HS3ST2: variants seen among roughly 807,000 people sequenced by gnomAD.
HS3ST2 encodes the protein heparan sulfate-glucosamine 3-sulfotransferase 2.
Under a neutral mutation model 26.3 loss-of-function variants are expected in HS3ST2, and 17 were observed. The observed-to-expected ratio is 0.65, with a 90% confidence interval of 0.44 to 0.97. The LOEUF (loss-of-function observed/expected upper bound fraction) is 0.97, where lower values mean the gene tolerates loss of function less well. Among genes scored for constraint, HS3ST2 ranks in the 50% least tolerant of loss-of-function variants. The pLI is 0.00. For synonymous variants in HS3ST2, 237 were observed against 219.2 expected, an observed-to-expected ratio of 1.08 and a Z score of -0.72; for missense variants, 402 against 501.2, an observed-to-expected ratio of 0.80 and a Z score of 1.89.
chr16:22,892,585 C>T (rs1046021079), intron 1 of HS3ST2, among the ~76,000 whole-genome samples: 16 of 152,062 alleles, frequency 1.1e-4, no homozygotes. Context: ...TATTATGTTA[C>T]ACTTAGGTTG....
intron 1 of HS3ST2, among the ~76,000 whole-genome samples, chr16:22,823,861 C>G (rs1901040698): frequency 6.6e-6 from 1 of 152,212 alleles, no homozygotes; most frequent in African/African-American, 2.4e-5. Flanking sequence ...AATATGAGCA[C>G]TAAGAGGAGA....
chr16:22,851,856 G>C (rs1219914043), intron 1 of HS3ST2, among the ~76,000 whole-genome samples: 1 of 152,186 alleles, frequency 6.6e-6, no homozygotes, highest in African/African-American at 2.4e-5. Context: ...CCCTAGGGAT[G>C]TTAGCTGATG....
At position 22,913,575 on chromosome 16, in the gene HS3ST2, A is replaced by C. The variant is rs143609079; in HGVS notation, c.486-1369A>C. On this transcript the variant is annotated intron_variant, in intron 1 of 1. Transcript: ENST00000261374. The stretch of plus-strand genomic sequence containing the variant: ...TCCTGCAAGACAAGACTTTTTCCCC[A>C]AAAAAAGATTTTCTTAATATATTTG... Among the ~76,000 whole-genome samples the C allele has an allele frequency of 1.1e-3, 165 of 152,308 alleles. 1 individual carries two copies. Among genetic ancestry groups the C allele is most frequent in the African/African-American group, 3.4e-3 (141 of 41,574 alleles).
intron 1 of HS3ST2, among the ~76,000 whole-genome samples, chr16:22,868,763 G>A (rs916235259): frequency 6.6e-6 from 1 of 152,154 alleles, no homozygotes; most frequent in African/African-American, 2.4e-5. Flanking sequence ...GGGGGCGCCT[G>A]TTTAACTACT....
chr16:22,829,091 ACCT>A (rs1901132358), intron 1 of HS3ST2, among the ~76,000 whole-genome samples: 1 of 152,206 alleles, frequency 6.6e-6, no homozygotes, highest in African/African-American at 2.4e-5. Flanking sequence ...ACCTCTGAGC[ACCT>A]CCTTCTATCC....
Position 22,899,720 on chromosome 16 carries a change from C to A in HS3ST2, c.486-15224C>A, listed in dbSNP as rs150934404. 2.2e-3 allele frequency among the ~76,000 whole-genome samples: 334 copies of A among 152,274 alleles called. 2 individuals carry two copies. The highest frequency in any genetic ancestry group is 7.2e-3 in the African/African-American group (301 of 41,552). On this transcript the variant is annotated intron_variant, in intron 1 of 1. Coordinates refer to ENST00000261374, the MANE Select transcript of HS3ST2 (RefSeq NM_006043.2). Reference sequence around the variant, plus strand: ...AAGAGCAAAAACACGTCTTACATGGCAACAGGCAAGAGAGAGAGCATGTGC... The same window carrying A: ...AAGAGCAAAAACACGTCTTACATGGAAACAGGCAAGAGAGAGAGCATGTGC...
At chr16:22,856,044 G>T (rs1901589027) in intron 1 of HS3ST2, among the ~76,000 whole-genome samples, 1 of 152,176 alleles carries the variant, frequency 6.6e-6, no homozygotes, top group African/African-American at 2.4e-5. Context: ...CTATAAGAAG[G>T]ATGAATAGTT....
chr16:22,845,022 T>G (rs1449609093), intron 1 of HS3ST2, among the ~76,000 whole-genome samples: 1 of 150,000 alleles, frequency 6.7e-6, no homozygotes, highest in East Asian at 2.0e-4. Context: ...GCCTGGCTAA[T>G]TTTTTGTATT....
chr16:22,856,482 C>T (rs1596615955), intron 1 of HS3ST2, among the ~76,000 whole-genome samples: 1 of 152,208 alleles, frequency 6.6e-6, no homozygotes, highest in African/African-American at 2.4e-5. Context: ...AGTCTCCTGT[C>T]TTTTCCTAGA....
In HS3ST2 at chr16:22,916,160, C is replaced by G. The variant is rs1902493589; in HGVS notation, c.*598C>G. The stretch of plus-strand genomic sequence containing the variant: ...CCAGTGACTTCAGAGCCTATGGTCT[C>G]AACTGTGCTTGAAAAACACTGTCTC... On this transcript the variant is annotated 3_prime_UTR_variant, in exon 2 of 2. Transcript: ENST00000261374. 1 of 153,006 alleles carries G rather than the reference C, an allele frequency of 6.5e-6. No individual in the cohort carries two copies. The highest frequency in any genetic ancestry group is 1.5e-5 in the Non-Finnish European group (1 of 68,378). 9.5% of individuals were successfully genotyped at this position (153,006 alleles called of 1,614,324 possible).
intron 1 of HS3ST2, among the ~76,000 whole-genome samples, chr16:22,865,492 G>A (rs1387134968): frequency 6.6e-6 from 1 of 151,100 alleles, no homozygotes; most frequent in African/African-American, 2.4e-5. Flanking sequence ...GGAGGCGGAG[G>A]TTGCAGTGAG....
chr16:22,904,911 C>T (rs1373337477), intron 1 of HS3ST2, among the ~76,000 whole-genome samples: 1 of 152,200 alleles, frequency 6.6e-6, no homozygotes, highest in Non-Finnish European at 1.5e-5. Context: ...GGGCTCATGA[C>T]TTCGCTCAAC....
rs540443014 is a variant in HS3ST2 at position 22,915,151 on chromosome 16, C to T, written c.693C>T (p.Leu231=). Residue 231 remains leucine, a synonymous_variant, in exon 2 of 2, where the codon CTC becomes CTT. Coordinates refer to ENST00000261374, the MANE Select transcript of HS3ST2 (RefSeq NM_006043.2). ...CCGACATCCCGACCTTTGAGGGCCTCTCCTTCCGCAACCGCACCCTGGGCC... is the reference window on the plus strand; with the variant it reads ...CCGACATCCCGACCTTTGAGGGCCTTTCCTTCCGCAACCGCACCCTGGGCC... The part of the protein sequence containing the change: ...KKPDIPTFEG[L]SFRNRTLGLV... The T allele has an allele frequency of 3.7e-6, 6 of 1,614,158 alleles. No individual in the cohort carries two copies. In the African/African-American group the frequency reaches 4.0e-5, roughly 11 times the overall value.
In HS3ST2 at chr16:22,820,083, A is replaced by T. The variant is rs541297162; in HGVS notation, c.485+4988A>T. Among the ~76,000 whole-genome samples the T allele has an allele frequency of 7.2e-5, 11 of 152,360 alleles. 2 individuals carry two copies. Among genetic ancestry groups the T allele is most frequent in the African/African-American group, 2.4e-4 (10 of 41,588 alleles). On this transcript the variant is annotated intron_variant, in intron 1 of 1. Transcript: ENST00000261374. The stretch of plus-strand genomic sequence containing the variant: ...GCATGCACAATTGCAGCATCTATGC[A>T]GACTTAGGCCTTTATACAGAAATTC...
intron 1 of HS3ST2, among the ~76,000 whole-genome samples, chr16:22,829,502 G>T (rs1901138316): frequency 6.6e-6 from 1 of 152,000 alleles, no homozygotes; most frequent in Admixed American, 6.6e-5. Flanking sequence ...AGAAAAAGTT[G>T]AATATGGCAT....
At chr16:22,849,451 T>C (rs934324767) in intron 1 of HS3ST2, among the ~76,000 whole-genome samples, 1 of 152,194 alleles carries the variant, frequency 6.6e-6, no homozygotes, top group African/African-American at 2.4e-5. Flanking sequence ...CTAGTTCTTA[T>C]TCTAAATCTA....
intron 1 of HS3ST2, chr16:22,833,153 CAG>C (rs1901199813): frequency 2.2e-6 from 1 of 448,644 alleles, no homozygotes; most frequent in Admixed American, 2.4e-5. Context: ...ATGTCTATGA[CAG>C]AGAGAGTAGC....
chr16:22,858,937 G>A (rs113926908), intron 1 of HS3ST2, among the ~76,000 whole-genome samples: 1 of 152,178 alleles, frequency 6.6e-6, no homozygotes, highest in Admixed American at 6.5e-5. Flanking sequence ...AGGCTGAAGT[G>A]GGAGTATCAC....
At chr16:22,818,919 T>TTCCCTCCC (rs1352081642) in intron 1 of HS3ST2, among the ~76,000 whole-genome samples, 1 of 1,086 alleles carries the variant, frequency 9.2e-4, no homozygotes, top group Non-Finnish European at 1.8e-3. Flanking sequence ...CCTTCCTTCC[T>TTCCCTCCC]TCCCTCCCTC....
Sources: gnomAD v4.1 joint callset for allele counts (sites outside exome capture counted in the v4.1 genomes callset) on GRCh38, gnomAD v4.1.1 for gene constraint, MANE v1.5 for transcripts, NCBI Gene and HGNC (gene_info 2026-07-23, HGNC 2026-07-21) for gene names.